TMEM94: variants seen among roughly 807,000 people sequenced by gnomAD.
The protein encoded by TMEM94 is ER Mg2+ ATPase.
TMEM94 carries 81 observed loss-of-function variants against 158.6 expected under a neutral mutation model. That is an observed-to-expected ratio of 0.51 (90% CI 0.43 to 0.61). The LOEUF is 0.61. TMEM94 is among the 20% of genes least tolerant of loss of function. The pLI is 0.00. For missense variants in TMEM94, 1,435 were observed against 1,762.0 expected, an observed-to-expected ratio of 0.81 and a Z score of 3.32; for synonymous variants, 751 against 730.7, an observed-to-expected ratio of 1.03 and a Z score of -0.45.
chr17:75,497,198 G>C lies in TMEM94; in HGVS notation c.3407G>C (p.Ser1136Thr). 2 of 1,612,822 alleles carry C rather than the reference G, an allele frequency of 1.2e-6. No homozygotes were observed. The highest frequency in any genetic ancestry group is 2.2e-5 in the South Asian group (2 of 91,054). ...TCCTGCTTTTGCTACCCTCTGCTCAGGTGAGATGCCATGTATCTTCCCCAC... is the reference window on the plus strand; with the variant it reads ...TCCTGCTTTTGCTACCCTCTGCTCACGTGAGATGCCATGTATCTTCCCCAC... ...WLSCFCYPLL[S>T]ISLLGKPPHS... Residue 1136 changes from serine to threonine, a missense_variant and splice_region_variant, in exon 26 of 32, where the codon AGC becomes ACC. Physicochemically the swap from Ser to Thr is moderately conservative, Grantham distance 58. Coordinates refer to ENST00000314256, the MANE Select transcript of TMEM94 (RefSeq NM_014738.6).
intron 1 of TMEM94, among the ~76,000 whole-genome samples, chr17:75,471,481 G>C (rs902592601): frequency 6.6e-6 from 1 of 152,020 alleles, no homozygotes; most frequent in Non-Finnish European, 1.5e-5. Flanking sequence ...ATTATGTTGG[G>C]TGGCTGAGGC....
Position 75,494,616 on chromosome 17 carries a change from C to A in TMEM94, c.2408-11C>A, listed in dbSNP as rs1024548044. On this transcript the variant is annotated splice_polypyrimidine_tract_variant and intron_variant, in intron 18 of 31. Coordinates refer to ENST00000314256, the MANE Select transcript of TMEM94 (RefSeq NM_014738.6). ...CCTGATCGGGCTGTGTCCTGTGTGT[C>A]CTGCCTGAAGAAGGGATCGGGGAGG... The A allele has an allele frequency of 1.9e-6, 3 of 1,612,398 alleles. No individual in the cohort carries two copies. Among genetic ancestry groups the A allele is most frequent in the Non-Finnish European group, 2.5e-6 (3 of 1,179,508 alleles).
At chr17:75,478,763 G>T (rs909906407) in intron 2 of TMEM94, among the ~76,000 whole-genome samples, 1 of 152,176 alleles carries the variant, frequency 6.6e-6, no homozygotes, top group Non-Finnish European at 1.5e-5. Context: ...CAGCGGAATG[G>T]GGTTTGTTCT....
In TMEM94 at chr17:75,495,738, G is replaced by A. The variant is rs1446610889; in HGVS notation, c.2944+95G>A. The A allele has an allele frequency of 8.1e-7, 1 of 1,235,952 alleles. No homozygotes were observed. The highest frequency in any genetic ancestry group is 1.2e-6 in the Non-Finnish European group (1 of 855,582). 76.6% of individuals were successfully genotyped at this position (1,235,952 alleles called of 1,614,324 possible). A position where few individuals can be genotyped will look rare whatever the true frequency, so the allele number is the denominator to read the frequency against. Reference sequence around the variant, plus strand: ...CCCCGTGGGCTCTGGAGGGATGTAGGTTTCCCATGCAGGGAGTAAAGGAAC... The same window carrying A: ...CCCCGTGGGCTCTGGAGGGATGTAGATTTCCCATGCAGGGAGTAAAGGAAC... On this transcript the variant is annotated intron_variant, in intron 22 of 31. Coordinates refer to ENST00000314256, the MANE Select transcript of TMEM94 (RefSeq NM_014738.6). This position sits in a 1 kb window ranked among gnomAD's most constrained non-coding sequence, Gnocchi z 5.6.
intron 18 of TMEM94, 112 bp downstream of exon 18, chr17:75,494,028 G>A (rs2146797388): frequency 9.7e-7 from 1 of 1,029,382 alleles, no homozygotes; most frequent in Non-Finnish European, 1.4e-6. Flanking sequence ...AGCAAAGGGG[G>A]CAGTGGCCAC....
rs1207082622 is a variant in TMEM94 at position 75,498,951 on chromosome 17, G to A, written c.3867G>A (p.Gln1289=). The A allele has an allele frequency of 6.3e-7, 1 of 1,581,332 alleles. No homozygotes were observed. The highest frequency in any genetic ancestry group is 1.1e-5 in the South Asian group (1 of 88,610). ...TGGTCCAGACGGCTGTGGACCTGCAGCTGTGGACACACAGGGACAGCCACG... is the reference window on the plus strand; with the variant it reads ...TGGTCCAGACGGCTGTGGACCTGCAACTGTGGACACACAGGGACAGCCACG... The part of the protein sequence containing the change: ...GQVVQTAVDL[Q]LWTHRDSHVH... The change falls in exon 31 of 32, where the codon CAG becomes CAA. Residue 1289 remains glutamine, a synonymous_variant. Transcript: ENST00000314256. The surrounding 1 kb of genome is among the most constrained non-coding windows in gnomAD (Gnocchi z 6.7).
chr17:75,486,949 AG>A, intron 5 of TMEM94, among the ~76,000 whole-genome samples: 1 of 152,050 alleles, frequency 6.6e-6, no homozygotes, highest in Non-Finnish European at 1.5e-5. Flanking sequence ...AGGGTTGTTG[AG>A]GCTCTTTTGA....
In TMEM94 at chr17:75,484,095, G is replaced by A. The variant is rs575913271; in HGVS notation, c.25-1333G>A. Among the ~76,000 whole-genome samples, 29 of 152,324 alleles carry A rather than the reference G, an allele frequency of 1.9e-4. No individual in the cohort carries two copies. In the South Asian group the frequency reaches 5.2e-3, roughly 27 times the overall value. On this transcript the variant is annotated intron_variant, in intron 2 of 31. Coordinates refer to ENST00000314256, the MANE Select transcript of TMEM94 (RefSeq NM_014738.6). ...AGATGATGTGGTTGGTCCCTGCGTC[G>A]TCGGGGCCTACACTGTCCACACCTT...
Position 75,495,733 on chromosome 17 carries a change from T to C in TMEM94, c.2944+90T>C. The C allele has an allele frequency of 7.8e-7, 1 of 1,274,216 alleles. No individual in the cohort carries two copies. Among genetic ancestry groups the C allele is most frequent in the East Asian group, 2.3e-5 (1 of 43,152 alleles). The allele number at this position is 1,274,216 out of a possible 1,614,324, so 78.9% of individuals were successfully genotyped here. On this transcript the variant is annotated intron_variant, in intron 22 of 31. Transcript: ENST00000314256. This position sits in a 1 kb window ranked among gnomAD's most constrained non-coding sequence, Gnocchi z 5.6. ...GCGTACCCCGTGGGCTCTGGAGGGA[T>C]GTAGGTTTCCCATGCAGGGAGTAAA...
At chr17:75,478,346 AAAAG>A (rs1221990025) in intron 2 of TMEM94, among the ~76,000 whole-genome samples, 1 of 149,380 alleles carries the variant, frequency 6.7e-6, no homozygotes, top group Non-Finnish European at 1.5e-5. Flanking sequence ...AAAAAAAAAA[AAAAG>A]AAAGAAAGAA....
rs2052603741 is a variant in TMEM94, at chr17:75,495,588, G to A, written c.2889G>A (p.Gln963=). ...TCCACCAAGTGCGGCCCCACCTGCAGAACATTGACAACGTGCCCCTGCTAG... is the reference window on the plus strand; with the variant it reads ...TCCACCAAGTGCGGCCCCACCTGCAAAACATTGACAACGTGCCCCTGCTAG... ...RGIHQVRPHL[Q]NIDNVPLLVP... is the part of the protein sequence containing the mutation. Residue 963 remains glutamine (Q), a synonymous_variant, in exon 22 of 32, where the codon CAG becomes CAA. Transcript: ENST00000314256. This position sits in a 1 kb window ranked among gnomAD's most constrained non-coding sequence, Gnocchi z 5.6. 1 of 1,613,480 alleles carries A rather than the reference G, an allele frequency of 6.2e-7. No individual in the cohort carries two copies. Among genetic ancestry groups the A allele is most frequent in the Non-Finnish European group, 8.5e-7 (1 of 1,180,026 alleles).
rs568762618 is a variant in TMEM94 at position 75,498,147 on chromosome 17, C to G, written c.3490-28C>G. On this transcript the variant is annotated intron_variant, in intron 27 of 31. Coordinates refer to ENST00000314256, the MANE Select transcript of TMEM94 (RefSeq NM_014738.6). This position sits in a 1 kb window ranked among gnomAD's most constrained non-coding sequence, Gnocchi z 6.7. ...GCAGCCGGCAGAGGGGCTGTGCGCCCCAGGAGTGACTGGCCTTGTTCCCGC... is the reference window on the plus strand; with the variant it reads ...GCAGCCGGCAGAGGGGCTGTGCGCCGCAGGAGTGACTGGCCTTGTTCCCGC... 333 of 1,612,834 alleles carry G rather than the reference C, an allele frequency of 2.1e-4. 3 individuals carry two copies. In the South Asian group the frequency reaches 2.8e-3, roughly 13 times the overall value.
At chr17:75,477,793 G>A (rs1053759822) in intron 2 of TMEM94, among the ~76,000 whole-genome samples, 38 of 151,320 alleles carry the variant, frequency 2.5e-4, no homozygotes, top group African/African-American at 8.5e-4. Flanking sequence ...AGCAGATCAC[G>A]AGGTCAGGAG....
At position 75,498,975 on chromosome 17, in the gene TMEM94, C is replaced by T. The variant is rs142714397; in HGVS notation, c.3891C>T (p.His1297=). ...DLQLWTHRDS[H]VHFGLEDVPL... The stretch of plus-strand genomic sequence containing the variant: ...AGCTGTGGACACACAGGGACAGCCA[C>T]GTCCACTTTGGCCTGGAGGACGTGC... Residue 1297 remains histidine (H), a synonymous_variant, in exon 31 of 32, where the codon CAC becomes CAT. Coordinates refer to ENST00000314256, the MANE Select transcript of TMEM94 (RefSeq NM_014738.6). This position sits in a 1 kb window ranked among gnomAD's most constrained non-coding sequence, Gnocchi z 6.7. 1.4e-4 allele frequency: 219 copies of T among 1,597,948 alleles called. No individual in the cohort carries two copies. In the South Asian group the frequency reaches 1.4e-3, roughly 10 times the overall value.
chr17:75,478,581 C>A lies in TMEM94; in HGVS notation c.24+6652C>A, dbSNP rs967411090. Among the ~76,000 whole-genome samples, 6 of 152,140 alleles carry A rather than the reference C, an allele frequency of 3.9e-5. No individual in the cohort carries two copies. The South Asian group carries it at 8.3e-4, about 21-fold the overall frequency. Reference sequence around the variant, plus strand: ...TGATTTGATGGATAGAGTTCTTTCACCACCCTGCTCTTCCTCCAAATCCCC... The same window carrying A: ...TGATTTGATGGATAGAGTTCTTTCAACACCCTGCTCTTCCTCCAAATCCCC... On this transcript the variant is annotated intron_variant, in intron 2 of 31. Coordinates refer to ENST00000314256, the MANE Select transcript of TMEM94 (RefSeq NM_014738.6).
At position 75,469,892 on chromosome 17, in the gene TMEM94, G is replaced by A. The variant is rs552337243; in HGVS notation, c.-106-1908G>A. On this transcript the variant is annotated intron_variant, in intron 1 of 31. Coordinates refer to ENST00000314256, the MANE Select transcript of TMEM94 (RefSeq NM_014738.6). ...GTTTGAGACGAGCCTGACCAACATG[G>A]TGAAACCCCGTCTCTAGTAAAAATA... Among the ~76,000 whole-genome samples the A allele has an allele frequency of 2.0e-5, 3 of 152,150 alleles. No individual in the cohort carries two copies. In the East Asian group the frequency reaches 5.9e-4, roughly 30 times the overall value.
intron 5 of TMEM94, among the ~76,000 whole-genome samples, chr17:75,486,902 C>T (rs1323459589): frequency 6.6e-6 from 1 of 152,100 alleles, no homozygotes; most frequent in East Asian, 1.9e-4. Context: ...CTTGGCCTTT[C>T]ATTCAGGCGG....
intron 1 of TMEM94, among the ~76,000 whole-genome samples, chr17:75,458,466 CTGCTGTG>C (rs2049959575): frequency 6.6e-6 from 1 of 151,850 alleles, no homozygotes; most frequent in South Asian, 2.1e-4. Context: ...CTTTGGGAGG[CTGCTGTG>C]GGAGGACTGC....
chr17:75,488,774 G>A lies in TMEM94; in HGVS notation c.628G>A (p.Val210Ile), dbSNP rs747589886. 2.1e-5 allele frequency: 34 copies of A among 1,613,616 alleles called. No individual in the cohort carries two copies. The highest frequency in any genetic ancestry group is 3.3e-4 in the Middle Eastern group (2 of 6,082). The change falls in exon 7 of 32, where the codon GTC becomes ATC. Residue 210 changes from valine to isoleucine, a missense_variant. Coordinates refer to ENST00000314256, the MANE Select transcript of TMEM94 (RefSeq NM_014738.6). ...LRGIKDDEHI[V>I]LEPGDLFPPF... ...CTGCCGGCAGGATGACGAGCACATC[G>A]TCCTGGAGCCGGGAGACCTCTTCCC...
Sources: allele counts gnomAD v4.1 joint callset (sites outside exome capture counted in the v4.1 genomes callset), GRCh38; gene constraint gnomAD v4.1.1; non-coding constraint Gnocchi (gnomAD v3.1); transcripts MANE v1.5; gene names NCBI Gene and HGNC (gene_info 2026-07-23, HGNC 2026-07-21).